Variants in ZC4H2 observed in about 807,000 individuals in gnomAD.
The protein encoded by ZC4H2 is zinc finger C4H2-type containing, also known as zinc finger C4H2 domain-containing protein.
For synonymous variants in ZC4H2, 84 were observed against 66.3 expected (o/e 1.27, Z -1.30); for missense variants, 137 against 173.9 (o/e 0.79, Z 1.19).
intron 1 of ZC4H2, among the ~76,000 whole-genome samples, chrX:65,015,720 T>A (rs775759837): frequency 1.3e-4 from 15 of 112,300 alleles, no homozygotes; most frequent in Non-Finnish European, 2.6e-4. Context: ...CATATGGACC[T>A]CAACCCTTCA....
intron 1 of ZC4H2, among the ~76,000 whole-genome samples, chrX:65,019,218 G>A (rs969711091): frequency 8.9e-6 from 1 of 111,818 alleles, no homozygotes; most frequent in African/African-American, 3.3e-5. Flanking sequence ...GTGGGTCCCT[G>A]ACCCCCATGT....
At chrX:64,925,319 A>G (rs776388593) in intron 1 of ZC4H2, among the ~76,000 whole-genome samples, 26 of 112,236 alleles carry the variant, frequency 2.3e-4, no homozygotes, top group Non-Finnish European at 4.1e-4. Context: ...TACAATGTTC[A>G]CTATTTGGGT....
chrX:64,918,885 A>T, intron 4 of ZC4H2, 157 bp downstream of exon 4: 1 of 640,771 alleles, frequency 1.6e-6, no homozygotes, highest in Non-Finnish European at 2.2e-6. Context: ...TGTGTCCAAC[A>T]CAGCACACCC....
In ZC4H2 at chrX:64,954,574, C is replaced by G. The variant is rs1262964353; in HGVS notation, c.53+21751G>C. On this transcript the variant is annotated intron_variant, in intron 1 of 4. Coordinates refer to ENST00000374839, the MANE Select transcript of ZC4H2 (RefSeq NM_018684.4). ...CATTTCCACAGTTAGTTGCTTAATG[C>G]TGATGCTGTTTCTGAAAAATTTCAC... 3.8e-5 allele frequency among the ~76,000 whole-genome samples: 4 copies of G among 104,818 alleles called. No homozygotes were observed. The East Asian group carries it at 1.2e-3, about 31-fold the overall frequency. 91.0% of individuals were successfully genotyped at this position (104,818 alleles called of 115,157 possible).
chrX:64,926,679 T>C (rs1020078257), intron 1 of ZC4H2, among the ~76,000 whole-genome samples: 1 of 112,502 alleles, frequency 8.9e-6, no homozygotes, highest in East Asian at 2.8e-4. Flanking sequence ...TTCTATGAAA[T>C]GTCTGCTCAT....
chrX:65,013,856 A>G (rs947126458), intron 1 of ZC4H2, among the ~76,000 whole-genome samples: 2 of 111,466 alleles, frequency 1.8e-5, no homozygotes, highest in African/African-American at 6.5e-5. Flanking sequence ...TTTGTTATGC[A>G]GCAAAACAAT....
Position 65,009,465 on chromosome X carries a change from C to A in ZC4H2, c.-272+25164G>T, listed in dbSNP as rs1003302325. On this transcript the variant is annotated intron_variant, in intron 1 of 4. Coordinates refer to the ZC4H2 transcript ENST00000337990. ...GGAGACAGATTCGTGATGCTTTCCA[C>A]TCCACCATTGCCCCAGAATCCTCTA... Among the ~76,000 whole-genome samples, 3 of 112,159 alleles carry A rather than the reference C, an allele frequency of 2.7e-5. No homozygotes were observed. The Admixed American group carries it at 2.8e-4, about 11-fold the overall frequency.
chrX:64,924,292 T>G (rs1183794318), intron 1 of ZC4H2, among the ~76,000 whole-genome samples: 2 of 112,407 alleles, frequency 1.8e-5, no homozygotes, highest in African/African-American at 6.5e-5. Flanking sequence ...TAATAACAAC[T>G]GTATTTTAAC....
chrX:65,007,473 G>C (rs1033359206), intron 1 of ZC4H2, among the ~76,000 whole-genome samples: 2 of 112,436 alleles, frequency 1.8e-5, no homozygotes, highest in Non-Finnish European at 3.8e-5. Flanking sequence ...CCCTGGGCAG[G>C]CACAGTCATT....
intron 1 of ZC4H2, among the ~76,000 whole-genome samples, chrX:64,947,684 G>A (rs1930601710): frequency 8.9e-6 from 1 of 111,938 alleles, no homozygotes; most frequent in East Asian, 2.8e-4. Flanking sequence ...TAATTTAGGA[G>A]TATGTGTCTG....
At chrX:64,954,675 T>C (rs947266778) in intron 1 of ZC4H2, among the ~76,000 whole-genome samples, 1 of 108,086 alleles carries the variant, frequency 9.3e-6, no homozygotes, top group Non-Finnish European at 1.9e-5. Flanking sequence ...AAAATCACTC[T>C]TCAATACAGG....
At chrX:65,032,778 C>CTTCT (rs1555952061) in intron 1 of ZC4H2, among the ~76,000 whole-genome samples, 107 of 101,424 alleles carry the variant, frequency 1.1e-3, no homozygotes, top group African/African-American at 3.5e-3. Context: ...TCCTTCCTTC[C>CTTCT]TTCTTTCTTT....
chrX:65,022,702 T>C (rs922903869), intron 1 of ZC4H2, among the ~76,000 whole-genome samples: 5 of 111,594 alleles, frequency 4.5e-5, no homozygotes, highest in African/African-American at 6.5e-5. Context: ...TCACAATTGC[T>C]ACAAAGAATT....
intron 1 of ZC4H2, among the ~76,000 whole-genome samples, chrX:64,929,521 C>A (rs1929641389): frequency 9.0e-6 from 1 of 111,530 alleles, no homozygotes; most frequent in Non-Finnish European, 1.9e-5. Flanking sequence ...AGTATTTGAT[C>A]CATTTTGAGT....
At chrX:64,993,055 T>A (rs936633195) in intron 1 of ZC4H2, among the ~76,000 whole-genome samples, 1 of 112,118 alleles carries the variant, frequency 8.9e-6, no homozygotes, top group Non-Finnish European at 1.9e-5. Context: ...GGCTGTTGCA[T>A]CCTCCACCAT....
rs753770079 is a variant in ZC4H2, at chrX:64,936,712, C to G, written c.54-14724G>C. ...AAGGAGAAAAAAAATCCTTTACAGA[C>G]AAGCAAATGCTGAGAGATTCTGTCA... On this transcript the variant is annotated intron_variant, in intron 1 of 4. Transcript: ENST00000374839. 2.8e-4 allele frequency among the ~76,000 whole-genome samples: 31 copies of G among 111,791 alleles called. No individual in the cohort carries two copies. In the South Asian group the frequency reaches 3.0e-3, roughly 11 times the overall value.
intron 1 of ZC4H2, among the ~76,000 whole-genome samples, chrX:64,992,852 G>A (rs929485077): frequency 9.0e-6 from 1 of 111,713 alleles, no homozygotes; most frequent in African/African-American, 3.3e-5. Flanking sequence ...GATGCAGACT[G>A]TGTCCTGGAG....
upstream of ZC4H2, among the ~76,000 whole-genome samples, chrX:64,977,207 G>A (rs924614934): frequency 1.8e-5 from 2 of 111,639 alleles, no homozygotes; most frequent in African/African-American, 6.5e-5. Context: ...GGTGTAACCT[G>A]TGCAGAGAAG....
At chrX:64,942,150 T>C (rs1301390783) in intron 1 of ZC4H2, among the ~76,000 whole-genome samples, 3 of 111,660 alleles carry the variant, frequency 2.7e-5, no homozygotes, top group Admixed American at 1.9e-4. Context: ...AATTTATCCA[T>C]TTCTTCTAGA....
Sources: allele counts gnomAD v4.1 joint callset (sites outside exome capture counted in the v4.1 genomes callset), GRCh38; gene constraint gnomAD v4.1.1; transcripts MANE v1.5; gene names NCBI Gene and HGNC (gene_info 2026-07-23, HGNC 2026-07-21).